The following YAE1 variants were observed in gnomAD, a reference collection of about 807,000 sequenced individuals.
The protein encoded by YAE1 is protein YAE1 homolog.
A neutral mutation model predicts 23.0 loss-of-function variants in YAE1; 22 were observed. The observed-to-expected ratio is 0.96, with a 90% CI of 0.68 to 1.37. YAE1 has a LOEUF of 1.37. Ranked by LOEUF, YAE1 falls within the 40% of genes most tolerant of loss-of-function variation. YAE1 has a pLI of 0.00. For synonymous variants in YAE1, 101 were observed against 97.0 expected (o/e 1.04, Z -0.24); for missense variants, 260 against 262.1 (o/e 0.99, Z 0.06).
chr7:39,578,058 G>C (rs1160898394), intron 2 of YAE1, among the ~76,000 whole-genome samples: 1 of 152,128 alleles, frequency 6.6e-6, no homozygotes. Context: ...TTGGTGTCTA[G>C]CTCGAGGTTT....
chr7:39,567,319 T>C (rs1279373893), intron 1 of YAE1, among the ~76,000 whole-genome samples: 2 of 152,252 alleles, frequency 1.3e-5, no homozygotes, highest in African/African-American at 4.8e-5. Context: ...TATGTGAGAC[T>C]GGGGCCACAC....
chr7:39,599,025 T>C (rs1391643172), intron 2 of YAE1, among the ~76,000 whole-genome samples: 1 of 151,814 alleles, frequency 6.6e-6, no homozygotes, highest in Non-Finnish European at 1.5e-5. Flanking sequence ...GGCAGTTCAC[T>C]TGACAGGAGT....
chr7:39,581,043 T>A (rs988791661), intron 2 of YAE1, among the ~76,000 whole-genome samples: 4 of 152,200 alleles, frequency 2.6e-5, no homozygotes, highest in African/African-American at 9.7e-5. Flanking sequence ...TTGCAGTTCA[T>A]CTCTTGATCT....
chr7:39,611,276 T>G (rs1301118854), downstream of YAE1, among the ~76,000 whole-genome samples: 1 of 152,180 alleles, frequency 6.6e-6, no homozygotes, highest in Non-Finnish European at 1.5e-5. Context: ...CTTTGACACA[T>G]GGACTCTGCC....
chr7:39,606,525 G>A (rs1791131961), intron 2 of YAE1, among the ~76,000 whole-genome samples: 1 of 152,180 alleles, frequency 6.6e-6, no homozygotes, highest in African/African-American at 2.4e-5. Context: ...ATTATTCTGT[G>A]CTGTATAAAT....
At chr7:39,586,778 T>C (rs575184189) in intron 2 of YAE1, among the ~76,000 whole-genome samples, 175 of 152,314 alleles carry the variant, frequency 1.1e-3, no homozygotes, top group African/African-American at 4.1e-3. Context: ...ATTACAGGCG[T>C]GAGCCACTGC....
chr7:39,579,206 A>T (rs1193420064), intron 2 of YAE1, among the ~76,000 whole-genome samples: 2 of 152,202 alleles, frequency 1.3e-5, no homozygotes, highest in Non-Finnish European at 2.9e-5. Context: ...TTTTATGCCC[A>T]TCTTAGAGAT....
At chr7:39,604,402 T>C (rs1393258841) in intron 2 of YAE1, among the ~76,000 whole-genome samples, 1 of 152,218 alleles carries the variant, frequency 6.6e-6, no homozygotes, top group Non-Finnish European at 1.5e-5. Context: ...GATTTACTTC[T>C]TAGTGTCACC....
In YAE1 at chr7:39,569,883, C is replaced by G. The variant is rs1790536909; in HGVS notation, c.130-623C>G. On this transcript the variant is annotated intron_variant, in intron 1 of 2. Transcript: ENST00000223273. ...AGGATGCCTAAATTCACCATCTTTA[C>G]AATGATAAATAGTAGGAAGAACAGT... 4 of 1,079,396 alleles carry G rather than the reference C, an allele frequency of 3.7e-6. No individual in the cohort carries two copies. In the South Asian group the frequency reaches 5.0e-5, roughly 13 times the overall value. The allele number at this position is 1,079,396 out of a possible 1,614,324, so 66.9% of individuals were successfully genotyped here. A position where few individuals can be genotyped will look rare whatever the true frequency, so the allele number is the denominator to read the frequency against.
At chr7:39,604,431 G>A (rs1486932362) in intron 2 of YAE1, among the ~76,000 whole-genome samples, 1 of 152,104 alleles carries the variant, frequency 6.6e-6, no homozygotes, top group Non-Finnish European at 1.5e-5. Flanking sequence ...AGTCACAAGG[G>A]GGATAAGTCG....
chr7:39,605,642 T>C (rs1791119018), intron 2 of YAE1, among the ~76,000 whole-genome samples: 4 of 152,182 alleles, frequency 2.6e-5, no homozygotes, highest in African/African-American at 7.2e-5. Flanking sequence ...AGACAAACTA[T>C]ACATTGGCTC....
At chr7:39,597,051 T>TG (rs1790984862) in intron 2 of YAE1, among the ~76,000 whole-genome samples, 9 of 152,384 alleles carry the variant, frequency 5.9e-5, no homozygotes, top group Admixed American at 3.9e-4. Context: ...TCATGATGAC[T>TG]ATGGCATTTG....
At chr7:39,590,877 C>T (rs1459393859) in intron 2 of YAE1, among the ~76,000 whole-genome samples, 5 of 152,208 alleles carry the variant, frequency 3.3e-5, no homozygotes, top group Non-Finnish European at 5.9e-5. Context: ...TCCTTTCCCA[C>T]TTCTCTATCA....
chr7:39,569,677 A>G, intron 1 of YAE1: 2 of 690,766 alleles, frequency 2.9e-6, no homozygotes, highest in Non-Finnish European at 5.5e-6. Flanking sequence ...CACACTGGCA[A>G]TCCAATGTCT....
At chr7:39,611,466 G>C (rs541791142), downstream of YAE1, among the ~76,000 whole-genome samples, 53 of 152,328 alleles carry the variant, frequency 3.5e-4, no homozygotes, top group Admixed American at 3.0e-3. Flanking sequence ...GTGCTGGGCC[G>C]AGGCAGGCTC....
chr7:39,578,345 T>G (rs529428881), intron 2 of YAE1, among the ~76,000 whole-genome samples: 1 of 152,288 alleles, frequency 6.6e-6, no homozygotes, highest in South Asian at 2.1e-4. Flanking sequence ...CAGCAAGATG[T>G]GGGTGGGGCC....
chr7:39,577,116 A>T (rs1790666582), downstream of YAE1, among the ~76,000 whole-genome samples: 1 of 152,058 alleles, frequency 6.6e-6, no homozygotes, highest in Non-Finnish European at 1.5e-5. Context: ...GGCTGGTCTC[A>T]AACTCCTGAC....
intron 2 of YAE1, among the ~76,000 whole-genome samples, chr7:39,588,501 CAAAAA>C (rs5883697): frequency 1.7e-5 from 2 of 121,084 alleles, no homozygotes; most frequent in Non-Finnish European, 3.5e-5. Context: ...GACTCCATCT[CAAAAA>C]AAAAAAAAAA....
intron 2 of YAE1, among the ~76,000 whole-genome samples, chr7:39,587,277 G>A (rs1193762963): frequency 2.6e-5 from 4 of 151,484 alleles, no homozygotes; most frequent in Non-Finnish European, 5.9e-5. Context: ...GGCTGGTCTC[G>A]AACTCCTGAC....
Sources: allele counts gnomAD v4.1 joint callset (sites outside exome capture counted in the v4.1 genomes callset), GRCh38; gene constraint gnomAD v4.1.1; transcripts MANE v1.5; gene names NCBI Gene and HGNC (gene_info 2026-07-23, HGNC 2026-07-21).